The following PCDHA6 variants were observed in gnomAD, a reference collection of about 807,000 sequenced individuals.
PCDHA6 encodes the protein protocadherin alpha-6.
In PCDHA6, 55 loss-of-function variants were observed where a neutral mutation model predicts 60.3. That is an observed-to-expected ratio of 0.91 (90% CI 0.73 to 1.14). The LOEUF (loss-of-function observed/expected upper bound fraction) is 1.14, where lower values mean the gene tolerates loss of function less well. Ranked by LOEUF, PCDHA6 falls within the 50% of genes most tolerant of loss-of-function variation. The pLI, the probability that PCDHA6 is intolerant of heterozygous loss-of-function variation, is 0.00. For synonymous variants in PCDHA6, 652 were observed against 557.9 expected (o/e 1.17, Z -2.38); for missense variants, 1,327 against 1,256.5 (o/e 1.06, Z -0.85).
rs145175505 is a variant in PCDHA6 at position 140,843,176 on chromosome 5, C to G, written c.2394+12691C>G. On this transcript the variant is annotated intron_variant, in intron 1 of 3. Coordinates refer to ENST00000529310, the MANE Select transcript of PCDHA6 (RefSeq NM_018909.4). Reference sequence around the variant, plus strand: ...GCTGCAGCCAGCTGCAAGCAGCCCTCGCATCCCGTTCCGCGTGGGGCTGTA... The same window carrying G: ...GCTGCAGCCAGCTGCAAGCAGCCCTGGCATCCCGTTCCGCGTGGGGCTGTA... 2 of 1,595,968 alleles carry G rather than the reference C, an allele frequency of 1.3e-6. No homozygotes were observed. Among genetic ancestry groups the G allele is most frequent in the Non-Finnish European group, 1.7e-6 (2 of 1,165,618 alleles).
At chr5:140,924,872 G>C (rs1161649938) in intron 1 of PCDHA6, among the ~76,000 whole-genome samples, 1 of 149,350 alleles carries the variant, frequency 6.7e-6, no homozygotes, top group Non-Finnish European at 1.5e-5. Context: ...TCCAGCCTGG[G>C]TGACAGAGCA....
chr5:140,989,528 G>A (rs1451731382), intron 3 of PCDHA6, among the ~76,000 whole-genome samples: 2 of 152,178 alleles, frequency 1.3e-5, no homozygotes, highest in African/African-American at 4.8e-5. Context: ...GGCAGAGGAG[G>A]AAGATAGTTT....
chr5:140,829,611 A>G lies in PCDHA6; in HGVS notation c.1520A>G (p.Tyr507Cys), dbSNP rs1282023154. 6 of 1,612,132 alleles carry G rather than the reference A, an allele frequency of 3.7e-6. No individual in the cohort carries two copies. The East Asian group carries it at 6.7e-5, about 18-fold the overall frequency. Residue 507 changes from tyrosine to cysteine, a missense_variant, in exon 1 of 4, where the codon TAC (tyrosine) becomes TGC (cysteine). Tyr to Cys is a radical substitution (Grantham distance 194). Coordinates refer to ENST00000529310, the MANE Select transcript of PCDHA6 (RefSeq NM_018909.4). ...GTGGGCGAGCGCGCGTTGTCGAGCT[A>G]CATTTCGGTGCACGCGGAGAGCGGC... ...RRVGERALSS[Y>C]ISVHAESGKV...
At chr5:140,940,616 G>A (rs1554213527) in intron 1 of PCDHA6, among the ~76,000 whole-genome samples, 3 of 152,002 alleles carry the variant, frequency 2.0e-5, no homozygotes, top group Non-Finnish European at 4.4e-5. Flanking sequence ...CCTGGCTCCT[G>A]CAAATATTCT....
chr5:140,907,360 T>C (rs1241355980), intron 1 of PCDHA6, among the ~76,000 whole-genome samples: 1 of 152,186 alleles, frequency 6.6e-6, no homozygotes, highest in Admixed American at 6.5e-5. Flanking sequence ...TGCACTTCTT[T>C]AGTCGTAAAG....
In PCDHA6 at chr5:140,888,521, C is replaced by T. The variant is rs191011552; in HGVS notation, c.2394+58036C>T. ...TAAAGAGTCTTGGACTTAGTTCTGACGTGAAGTTAAGTTGCTCAGTACCAA... is the reference window on the plus strand; with the variant it reads ...TAAAGAGTCTTGGACTTAGTTCTGATGTGAAGTTAAGTTGCTCAGTACCAA... On this transcript the variant is annotated intron_variant, in intron 1 of 3. Transcript: ENST00000529310. Among the ~76,000 whole-genome samples, 432 of 152,260 alleles carry T rather than the reference C, an allele frequency of 2.8e-3. 2 individuals carry two copies. The highest frequency in any genetic ancestry group is 0.014 in the Middle Eastern group (4 of 292).
intron 1 of PCDHA6, chr5:140,871,350 C>T (rs782168219): frequency 5.6e-6 from 9 of 1,614,194 alleles, no homozygotes; most frequent in Non-Finnish European, 7.6e-6. Flanking sequence ...GCTGGTCATA[C>T]TCGCAGCAGA....
chr5:140,850,675 C>A (rs2150493362), intron 1 of PCDHA6: 3 of 1,598,470 alleles, frequency 1.9e-6, no homozygotes, highest in Non-Finnish European at 2.6e-6. Context: ...TCGGCGATGC[C>A]CACCGAGGGC....
rs1335716065 is a variant in PCDHA6 at position 140,875,555 on chromosome 5, G to A, written c.2394+45070G>A. On this transcript the variant is annotated intron_variant, in intron 1 of 3. Coordinates refer to ENST00000529310, the MANE Select transcript of PCDHA6 (RefSeq NM_018909.4). ...CTCCTTGCAGCCTGGGAGGTGGGGA[G>A]CGGCCAGCTCCACTACTCCGTCTAC... is the stretch of plus-strand genomic sequence containing the variant. 5 of 1,614,018 alleles carry A rather than the reference G, an allele frequency of 3.1e-6. No individual in the cohort carries two copies. In the East Asian group the frequency reaches 6.7e-5, roughly 22 times the overall value.
At chr5:141,001,607 A>G (rs1554258244) in intron 3 of PCDHA6, among the ~76,000 whole-genome samples, 1 of 152,078 alleles carries the variant, frequency 6.6e-6, no homozygotes, top group African/African-American at 2.4e-5. Flanking sequence ...AGGTTTGCCC[A>G]ATTCATAAAG....
intron 3 of PCDHA6, among the ~76,000 whole-genome samples, chr5:140,989,551 C>A (rs964653534): frequency 1.3e-5 from 2 of 152,178 alleles, no homozygotes; most frequent in Non-Finnish European, 2.9e-5. Context: ...AATTCCTTTA[C>A]GTTTTGTGGC....
intron 1 of PCDHA6, chr5:140,853,279 A>T: frequency 1.0e-6 from 1 of 979,476 alleles, no homozygotes; most frequent in African/African-American, 1.8e-5. Flanking sequence ...CTCTCATCAT[A>T]TGCAAATTCT....
intron 1 of PCDHA6, chr5:140,867,464 C>A (rs1358869562): frequency 6.6e-6 from 1 of 151,874 alleles, no homozygotes; most frequent in Non-Finnish European, 1.5e-5. Context: ...AGTGTTATGA[C>A]AACATTGGGA....
chr5:140,932,351 A>C (rs1401387848), intron 1 of PCDHA6, among the ~76,000 whole-genome samples: 1 of 151,920 alleles, frequency 6.6e-6, no homozygotes, highest in Non-Finnish European at 1.5e-5. Flanking sequence ...TTACCATACA[A>C]CTGGCCTTAT....
intron 3 of PCDHA6, among the ~76,000 whole-genome samples, chr5:140,993,514 A>T (rs1239398977): frequency 6.6e-6 from 1 of 150,498 alleles, no homozygotes; most frequent in East Asian, 1.9e-4. Flanking sequence ...ACACACGGGG[A>T]GAGAGAGACA....
chr5:140,900,000 A>G (rs1374747791), intron 1 of PCDHA6, among the ~76,000 whole-genome samples: 1 of 151,872 alleles, frequency 6.6e-6, no homozygotes, highest in Non-Finnish European at 1.5e-5. Flanking sequence ...TGTAGAGATG[A>G]GGTCTCACTT....
At chr5:141,004,843 A>G (rs2098184369) in intron 3 of PCDHA6, among the ~76,000 whole-genome samples, 1 of 152,230 alleles carries the variant, frequency 6.6e-6, no homozygotes, top group African/African-American at 2.4e-5. Context: ...CAAAGTCATT[A>G]GTCTCAGAGA....
chr5:140,994,102 A>G (rs2097596379), intron 3 of PCDHA6, among the ~76,000 whole-genome samples: 1 of 152,194 alleles, frequency 6.6e-6, no homozygotes, highest in African/African-American at 2.4e-5. Context: ...TGATGGAAAT[A>G]TTACATTGTC....
chr5:140,946,629 T>TATATATATATATATATATATAC (rs1367833800), intron 1 of PCDHA6, among the ~76,000 whole-genome samples: 1 of 123,274 alleles, frequency 8.1e-6, no homozygotes, highest in African/African-American at 3.0e-5. Context: ...TATATATATA[T>TATATATATATATATATATATAC]ATACAATGGA....
Sources: allele counts gnomAD v4.1 joint callset (sites outside exome capture counted in the v4.1 genomes callset), GRCh38; gene constraint gnomAD v4.1.1; transcripts MANE v1.5; gene names NCBI Gene and HGNC (gene_info 2026-07-23, HGNC 2026-07-21).